MYO5C: variants seen among roughly 807,000 people sequenced by gnomAD.
The protein encoded by MYO5C is unconventional myosin-Vc.
MYO5C carries 194 observed loss-of-function variants against 235.7 expected under a neutral mutation model. The ratio of observed to expected loss-of-function variants is 0.82; its 90% CI spans 0.73 to 0.93. The LOEUF is 0.93. MYO5C is among the 40% of genes least tolerant of loss of function. The pLI, the probability that MYO5C is intolerant of heterozygous loss-of-function variation, is 0.00. For synonymous variants in MYO5C, 707 were observed against 754.8 expected, an observed-to-expected ratio of 0.94 and a Z score of 1.04; for missense variants, 2,038 against 2,127.2, an observed-to-expected ratio of 0.96 and a Z score of 0.82.
chr15:52,198,571 T>C (rs1566957649), intron 38 of MYO5C, among the ~76,000 whole-genome samples: 1 of 152,060 alleles, frequency 6.6e-6, no homozygotes, highest in African/African-American at 2.4e-5. Context: ...GTTGTTGTTG[T>C]TGCTTTTTGT....
chr15:52,213,138 T>C (rs771815612), intron 34 of MYO5C, 50 bp downstream of exon 34: 18 of 1,426,538 alleles, frequency 1.3e-5, no homozygotes, highest in South Asian at 9.2e-5. Flanking sequence ...CTGACTGATA[T>C]GCAAGTTCTC....
intron 11 of MYO5C, among the ~76,000 whole-genome samples, chr15:52,254,372 G>T (rs532221492): frequency 6.6e-6 from 1 of 152,312 alleles, no homozygotes; most frequent in East Asian, 1.9e-4. Flanking sequence ...AGGTCAGGAT[G>T]AATGTCAGGC....
In MYO5C at chr15:52,196,458, A is replaced by G; in HGVS notation, c.4846T>C (p.Trp1616Arg). The G allele has an allele frequency of 6.2e-7, 1 of 1,613,804 alleles. No homozygotes were observed. Among genetic ancestry groups the G allele is most frequent in the Non-Finnish European group, 8.5e-7 (1 of 1,179,910 alleles). Residue 1616 changes from tryptophan to arginine, a missense_variant, in exon 39 of 41, where the codon TGG becomes CGG. By Grantham distance (101) the Trp-to-Arg change is moderately radical. Transcript: ENST00000261839. ...IRCNISYLEE[W>R]LKDKNLQNSL... ...TTCTGCAAGTTCTTATCTTTAAGCC[A>G]TTCTTCTAAGTAGCTGATATTGCAC...
At chr15:52,275,264 T>C (rs905253183) in intron 5 of MYO5C, among the ~76,000 whole-genome samples, 1 of 152,242 alleles carries the variant, frequency 6.6e-6, no homozygotes, top group Admixed American at 6.5e-5. Flanking sequence ...AGAACACCAG[T>C]GATTTCAGTG....
At chr15:52,279,058 C>T in intron 3 of MYO5C, 41 bp from the exon 4 acceptor site, 3 of 1,561,276 alleles carry the variant, frequency 1.9e-6, no homozygotes, top group Non-Finnish European at 2.6e-6. Flanking sequence ...ACTCTTACTG[C>T]CACCTGCATC....
In MYO5C at chr15:52,277,124, C is replaced by CT. The variant is rs778163174; in HGVS notation, c.450-1407dup. On this transcript the variant is annotated intron_variant, in intron 4 of 40. Transcript: ENST00000261839. ...AGACTCTGAGAAGTGAAATGACATG[C>CT]TCAGTGTCCCTCAGGGCATAGAACA... The CT allele has an allele frequency of 5.8e-6, 3 of 514,022 alleles. No homozygotes were observed. The East Asian group carries it at 1.7e-4, about 30-fold the overall frequency. The allele number at this position is 514,022 out of a possible 1,614,324, so 31.8% of individuals were successfully genotyped here. A position where few individuals can be genotyped will look rare whatever the true frequency, so the allele number is the denominator to read the frequency against.
chr15:52,241,877 T>C (rs1023510347), intron 20 of MYO5C, among the ~76,000 whole-genome samples, 171 bp downstream of exon 20: 3 of 152,120 alleles, frequency 2.0e-5, no homozygotes, highest in African/African-American at 7.2e-5. Flanking sequence ...CCCTGAGTAG[T>C]TGGGACTACA....
intron 32 of MYO5C, among the ~76,000 whole-genome samples, chr15:52,217,161 G>A (rs1309517246): frequency 6.6e-6 from 1 of 152,204 alleles, no homozygotes; most frequent in Non-Finnish European, 1.5e-5. Flanking sequence ...CTAATGTATA[G>A]AGATGATACT....
At chr15:52,217,483 C>T (rs1243683165) in intron 32 of MYO5C, among the ~76,000 whole-genome samples, 1 of 152,228 alleles carries the variant, frequency 6.6e-6, no homozygotes, top group Non-Finnish European at 1.5e-5. Context: ...CCATTGAGAT[C>T]CCAGGGGCCC....
intron 1 of MYO5C, among the ~76,000 whole-genome samples, chr15:52,293,307 C>T (rs1277344531): frequency 6.6e-6 from 1 of 152,094 alleles, no homozygotes; most frequent in East Asian, 1.9e-4. Context: ...AGATGCATTC[C>T]CCGCTGGCCT....
chr15:52,278,529 T>G, intron 4 of MYO5C, among the ~76,000 whole-genome samples: 1 of 149,776 alleles, frequency 6.7e-6, no homozygotes. Context: ...TCCTACTTCC[T>G]GCAATGGGTA....
chr15:52,242,134 G>A lies in MYO5C; in HGVS notation c.2470C>T (p.Arg824Cys), dbSNP rs1451955920. The A allele has an allele frequency of 1.9e-6, 3 of 1,614,020 alleles. No individual in the cohort carries two copies. Among genetic ancestry groups the A allele is most frequent in the Non-Finnish European group, 2.5e-6 (3 of 1,180,014 alleles). The change falls in exon 20 of 41, where the codon CGC becomes TGC. Residue 824 changes from arginine to cysteine, a missense_variant. By Grantham distance (180) the Arg-to-Cys change is radical. Transcript: ENST00000261839. ...ATGCGAATCAACTGATACAGGCTGC[G>A]AACAAGATACCCGCGGCAGTGCTTC... is the stretch of plus-strand genomic sequence containing the variant. ...IQKHCRGYLV[R>C]SLYQLIRMAT...
chr15:52,268,146 C>T (rs897403088), intron 8 of MYO5C, among the ~76,000 whole-genome samples: 1 of 152,194 alleles, frequency 6.6e-6, no homozygotes, highest in Non-Finnish European at 1.5e-5. Context: ...CTTGCCTATT[C>T]CTTGGATATG....
chr15:52,261,182 A>G (rs2036688089), intron 9 of MYO5C, 55 bp from the exon 10 acceptor site: 4 of 1,589,640 alleles, frequency 2.5e-6, no homozygotes, highest in Admixed American at 3.4e-5. Flanking sequence ...AAGACACACA[A>G]TCCCACCCGG....
At chr15:52,286,861 C>T (rs1282991780) in intron 1 of MYO5C, among the ~76,000 whole-genome samples, 1 of 151,148 alleles carries the variant, frequency 6.6e-6, no homozygotes. Context: ...ACTTGTTTAT[C>T]TGCTGACCTT....
Position 52,205,383 on chromosome 15 carries a change from C to G in MYO5C, c.4538-236G>C, listed in dbSNP as rs146617826. On this transcript the variant is annotated intron_variant, in intron 37 of 40. Coordinates refer to ENST00000261839, the MANE Select transcript of MYO5C (RefSeq NM_018728.4). ...CTCCTCTTGTAGGTTTGAAGCAGCA[C>G]GTTTTTCAGCTTCACAGGAAAGAAA... 1,968 of 518,094 alleles carry G rather than the reference C, an allele frequency of 3.8e-3. 18 individuals are homozygous for G. The highest frequency in any genetic ancestry group is 0.014 in the South Asian group (510 of 35,250). The allele number at this position is 518,094 out of a possible 1,614,324, so 32.1% of individuals were successfully genotyped here.
At chr15:52,280,368 G>T (rs2037140173) in intron 2 of MYO5C, among the ~76,000 whole-genome samples, 1 of 152,236 alleles carries the variant, frequency 6.6e-6, no homozygotes, top group Non-Finnish European at 1.5e-5. Flanking sequence ...CTCCTCTTCT[G>T]CTAGATTTAA....
At position 52,244,535 on chromosome 15, in the gene MYO5C, T is replaced by C. The variant is rs558281736; in HGVS notation, c.2211A>G (p.Lys737=). 1.9e-4 allele frequency: 303 copies of C among 1,613,922 alleles called. 5 individuals carry two copies. The South Asian group carries it at 2.6e-3, about 14-fold the overall frequency. ...DSNQYQFGKT[K]IFFRAGQVAY... is the part of the protein sequence containing the mutation. ...CCACTTGTCCTGCTCTGAAGAAAAT[T>C]TTGGTTTTACCAAACTGGTACTGAT... The change falls in exon 19 of 41, where the codon AAA becomes AAG. Residue 737 remains lysine (K), a synonymous_variant. Coordinates refer to ENST00000261839, the MANE Select transcript of MYO5C (RefSeq NM_018728.4).
At chr15:52,241,990 G>A in intron 20 of MYO5C, 58 bp downstream of exon 20, 3 of 1,518,448 alleles carry the variant, frequency 2.0e-6, no homozygotes, top group Non-Finnish European at 2.7e-6. Context: ...GCCCTGTTTT[G>A]TTCTCAGTAA....
Sources: gnomAD v4.1 joint callset for allele counts (sites outside exome capture counted in the v4.1 genomes callset) on GRCh38, gnomAD v4.1.1 for gene constraint, MANE v1.5 for transcripts, NCBI Gene and HGNC (gene_info 2026-07-23, HGNC 2026-07-21) for gene names.